The following LAMA2 variants were observed in gnomAD, a reference collection of about 807,000 sequenced individuals.
LAMA2 encodes the protein laminin subunit alpha 2.
A neutral mutation model predicts 364.8 loss-of-function variants in LAMA2; 269 were observed. The observed-to-expected ratio is 0.74, with a 90% CI of 0.67 to 0.82. LAMA2 has a LOEUF of 0.82. Ranked by LOEUF, LAMA2 falls within the 40% of genes least tolerant of loss-of-function variation. The probability of loss-of-function intolerance (pLI) is 0.00; values close to 1 mark genes in which losing one functional copy is unlikely to be tolerated. For missense variants in LAMA2, 3,807 were observed against 3,873.2 expected (o/e 0.98, Z 0.45); for synonymous variants, 1,379 against 1,370.6 (o/e 1.01, Z -0.14).
chr6:129,154,773 T>C, intron 8 of LAMA2, 90 bp downstream of exon 8: 1 of 1,065,402 alleles, frequency 9.4e-7, no homozygotes, highest in South Asian at 1.4e-5. Flanking sequence ...TTTTGAAAGC[T>C]TCTGTAAACA....
At chr6:128,916,110 T>A (rs1778296482) in intron 1 of LAMA2, among the ~76,000 whole-genome samples, 1 of 152,172 alleles carries the variant, frequency 6.6e-6, no homozygotes, top group Non-Finnish European at 1.5e-5. Context: ...TGCTAGTTCA[T>A]CTCCGCCCAT....
At chr6:129,484,673 A>AT (rs1182798005) in intron 55 of LAMA2, among the ~76,000 whole-genome samples, 2 of 152,216 alleles carry the variant, frequency 1.3e-5, no homozygotes, top group Non-Finnish European at 2.9e-5. Context: ...ATATGGTACC[A>AT]TTTTTGTAGA....
intron 1 of LAMA2, among the ~76,000 whole-genome samples, chr6:129,014,109 C>T (rs773496527): frequency 3.9e-5 from 6 of 152,000 alleles, no homozygotes; most frequent in Admixed American, 1.3e-4. Context: ...TGGAATAGAT[C>T]GGGAGGGGTG....
At chr6:129,470,528 C>T (rs1783759469) in intron 51 of LAMA2, among the ~76,000 whole-genome samples, 1 of 151,652 alleles carries the variant, frequency 6.6e-6, no homozygotes, top group South Asian at 2.1e-4. Context: ...AAAATAGACC[C>T]CAGGGTAGGA....
intron 40 of LAMA2, among the ~76,000 whole-genome samples, chr6:129,422,520 G>A (rs563296095): frequency 6.6e-6 from 1 of 152,090 alleles, no homozygotes; most frequent in East Asian, 1.9e-4. Flanking sequence ...GAATACAAGA[G>A]GTGAAATCAC....
chr6:129,292,873 C>T (rs936560735), intron 20 of LAMA2: 1 of 985,682 alleles, frequency 1.0e-6, no homozygotes, highest in Non-Finnish European at 1.2e-6. Context: ...GGCTCTGTGT[C>T]ACCGCAATGT....
intron 1 of LAMA2, among the ~76,000 whole-genome samples, chr6:128,921,666 T>G (rs1031480512): frequency 6.6e-6 from 1 of 151,710 alleles, no homozygotes; most frequent in African/African-American, 2.4e-5. Context: ...GTTTCAGAGT[T>G]ACAGCCTCCT....
intron 22 of LAMA2, among the ~76,000 whole-genome samples, chr6:129,310,024 C>T (rs1021045520): frequency 1.5e-4 from 22 of 150,720 alleles, no homozygotes; most frequent in Non-Finnish European, 2.8e-4. Flanking sequence ...CTCAGCCTCC[C>T]GAGTAGCTGG....
intron 4 of LAMA2, among the ~76,000 whole-genome samples, chr6:129,101,012 T>C (rs1166098633): frequency 6.6e-6 from 1 of 152,238 alleles, no homozygotes; most frequent in Non-Finnish European, 1.5e-5. Context: ...ATCTCACTCG[T>C]CAGCTTTAGT....
chr6:129,445,535 G>A (rs1782321821), intron 44 of LAMA2, 132 bp from the exon 45 acceptor site: 2 of 753,274 alleles, frequency 2.7e-6, no homozygotes, highest in African/African-American at 3.5e-5. Context: ...CACACATTTT[G>A]CTTTAGCTGT....
intron 22 of LAMA2, among the ~76,000 whole-genome samples, chr6:129,310,617 A>G (rs769897747): frequency 2.0e-5 from 3 of 152,170 alleles, no homozygotes; most frequent in Non-Finnish European, 2.9e-5. Flanking sequence ...CTGGTTTTTT[A>G]AACAGTGAAA....
Position 129,238,360 on chromosome 6 carries a change from T to C in LAMA2, c.1783-11752T>C, listed in dbSNP as rs555808628. On this transcript the variant is annotated intron_variant, in intron 12 of 64. Coordinates refer to ENST00000421865, the MANE Select transcript of LAMA2 (RefSeq NM_000426.4). The stretch of plus-strand genomic sequence containing the variant: ...AAGAATGGGTTCTGTGTTCCTCTTA[T>C]GAATTTCTTTTTAAAACCCTTCAAA... Among the ~76,000 whole-genome samples the C allele has an allele frequency of 7.2e-5, 11 of 152,330 alleles. No homozygotes were observed. The South Asian group carries it at 1.9e-3, about 26-fold the overall frequency.
At chr6:128,925,990 A>G (rs921284842) in intron 1 of LAMA2, among the ~76,000 whole-genome samples, 6 of 150,718 alleles carry the variant, frequency 4.0e-5, no homozygotes, top group Non-Finnish European at 8.9e-5. Context: ...CTGGACTGGG[A>G]CTCTCCATTG....
At chr6:129,422,905 A>G (rs1266301978) in intron 40 of LAMA2, among the ~76,000 whole-genome samples, 2 of 152,126 alleles carry the variant, frequency 1.3e-5, no homozygotes, top group East Asian at 3.8e-4. Context: ...TTATATAACA[A>G]TATCCCTCCA....
intron 1 of LAMA2, among the ~76,000 whole-genome samples, chr6:128,887,931 G>C (rs1776237202): frequency 6.6e-6 from 1 of 152,084 alleles, no homozygotes; most frequent in Non-Finnish European, 1.5e-5. Context: ...CATCTATCCA[G>C]TTTGCAGTAG....
intron 1 of LAMA2, among the ~76,000 whole-genome samples, chr6:128,909,487 T>C (rs1450960495): frequency 5.3e-5 from 8 of 150,336 alleles, no homozygotes; most frequent in African/African-American, 1.7e-4. Context: ...TCCATTTGCT[T>C]GGTAGATCTT....
At chr6:129,354,379 T>C (rs1777036260) in intron 32 of LAMA2, among the ~76,000 whole-genome samples, 1 of 152,052 alleles carries the variant, frequency 6.6e-6, no homozygotes, top group Non-Finnish European at 1.5e-5. Context: ...ACACTGAAAA[T>C]AAATGTGAAG....
intron 34 of LAMA2, among the ~76,000 whole-genome samples, chr6:129,379,721 T>G (rs1009153540): frequency 2.0e-5 from 3 of 152,154 alleles, no homozygotes; most frequent in East Asian, 1.9e-4. Flanking sequence ...AGCAGTGTAG[T>G]TGGGACTGGA....
chr6:129,019,186 T>C (rs1446091031), intron 1 of LAMA2, among the ~76,000 whole-genome samples: 1 of 152,074 alleles, frequency 6.6e-6, no homozygotes, highest in Admixed American at 6.6e-5. Flanking sequence ...AAATATTACA[T>C]GGGCAGTGAA....
Sources: allele counts gnomAD v4.1 joint callset (sites outside exome capture counted in the v4.1 genomes callset), GRCh38; gene constraint gnomAD v4.1.1; transcripts MANE v1.5; gene names NCBI Gene and HGNC (gene_info 2026-07-23, HGNC 2026-07-21).